The following NCKAP5 variants were observed in gnomAD, a reference collection of about 807,000 sequenced individuals.
The protein encoded by NCKAP5 is NCK associated protein 5.
In NCKAP5, 92 loss-of-function variants were observed where a neutral mutation model predicts 167.0. The observed-to-expected ratio is 0.55, with a 90% confidence interval of 0.47 to 0.66. The LOEUF is 0.66. NCKAP5 is among the 30% of genes least tolerant of loss of function. NCKAP5 has a pLI of 0.00. For synonymous variants in NCKAP5, 891 were observed against 877.4 expected (o/e 1.02, Z -0.27); for missense variants, 2,378 against 2,315.0 (o/e 1.03, Z -0.56).
At chr2:133,600,621 G>A in the NCKAP5 span, among the ~76,000 whole-genome samples, 1 of 152,196 alleles carries the variant, frequency 6.6e-6, no homozygotes, top group South Asian at 2.1e-4. Context: ...GATATCGCTG[G>A]CACCCTTCTT....
At chr2:133,502,337 T>C (rs927656604) in intron 3 of NCKAP5, among the ~76,000 whole-genome samples, 1 of 152,214 alleles carries the variant, frequency 6.6e-6, no homozygotes, top group African/African-American at 2.4e-5. Flanking sequence ...TTTTTTACTC[T>C]GTACCTCCAC....
At chr2:132,920,718 T>A (rs754168172) in intron 8 of NCKAP5, among the ~76,000 whole-genome samples, 10 of 94,004 alleles carry the variant, frequency 1.1e-4, no homozygotes, top group African/African-American at 4.7e-4. Context: ...TGTATATATA[T>A]GTATATATAT....
chr2:133,558,755 A>T (rs1687948834), intron 2 of NCKAP5, among the ~76,000 whole-genome samples: 1 of 149,732 alleles, frequency 6.7e-6, no homozygotes, highest in African/African-American at 2.5e-5. Flanking sequence ...TAATAAAAGC[A>T]CTCATGACCC....
chr2:132,847,996 A>G (rs1343194333), intron 11 of NCKAP5, among the ~76,000 whole-genome samples: 2 of 152,194 alleles, frequency 1.3e-5, no homozygotes. Context: ...AATGTGTTTA[A>G]TGGTTCCTCT....
chr2:133,185,201 C>T (rs544043254), intron 5 of NCKAP5, among the ~76,000 whole-genome samples: 2 of 152,230 alleles, frequency 1.3e-5, no homozygotes, highest in African/African-American at 4.8e-5. Context: ...ATTCCAGCAT[C>T]ATGTATTGAA....
chr2:132,722,288 A>T (rs1254351103), intron 19 of NCKAP5, among the ~76,000 whole-genome samples: 1 of 152,132 alleles, frequency 6.6e-6, no homozygotes, highest in Non-Finnish European at 1.5e-5. Flanking sequence ...CTCCCCCTCC[A>T]TTCCTACTTC....
At chr2:133,054,809 C>T (rs189576126) in intron 6 of NCKAP5, among the ~76,000 whole-genome samples, 191 of 152,202 alleles carry the variant, frequency 1.3e-3, no homozygotes, top group Admixed American at 3.1e-3. Context: ...AGGGGGCCAC[C>T]GTGGTTCATT....
Position 133,526,230 on chromosome 2 carries a change from AG to A in NCKAP5, c.-61-8644del, listed in dbSNP as rs1198351914. 6.2e-4 allele frequency among the ~76,000 whole-genome samples: 66 copies of A among 106,350 alleles called. 1 individual carries two copies. Among genetic ancestry groups the A allele is most frequent in the South Asian group, 1.4e-3 (4 of 2,774 alleles). 69.8% of individuals were successfully genotyped at this position (106,350 alleles called of 152,430 possible). The stretch of plus-strand genomic sequence containing the variant: ...AAGGAAGGAAGGAAGGAAGGAAGAA[AG>A]GAAAGGAGGGAGGGAAGGAGGGAGG... On this transcript the variant is annotated intron_variant, in intron 2 of 19. Coordinates refer to ENST00000409261, the MANE Select transcript of NCKAP5 (RefSeq NM_207363.3).
chr2:133,561,327 A>G (rs1002928693), intron 1 of NCKAP5, among the ~76,000 whole-genome samples: 5 of 152,084 alleles, frequency 3.3e-5, no homozygotes, highest in African/African-American at 1.2e-4. Flanking sequence ...AACTACTCTC[A>G]ATAACAAAGT....
intron 16 of NCKAP5, among the ~76,000 whole-genome samples, chr2:132,764,921 C>A (rs559253752): frequency 1.3e-5 from 2 of 152,244 alleles, no homozygotes; most frequent in African/African-American, 4.8e-5. Context: ...TTCTTCAAAT[C>A]TTCTTGGTGA....
intron 3 of NCKAP5, among the ~76,000 whole-genome samples, chr2:133,507,474 T>C (rs1159291363): frequency 6.6e-6 from 1 of 152,148 alleles, no homozygotes; most frequent in Non-Finnish European, 1.5e-5. Context: ...TATTCGGAAA[T>C]GGACAATTAT....
At chr2:133,166,733 T>C (rs943641170) in intron 5 of NCKAP5, among the ~76,000 whole-genome samples, 4 of 152,222 alleles carry the variant, frequency 2.6e-5, no homozygotes, top group African/African-American at 9.6e-5. Flanking sequence ...TCTTGGACTG[T>C]CTTTAAAATT....
intron 6 of NCKAP5, among the ~76,000 whole-genome samples, chr2:133,067,230 T>C (rs2080230307): frequency 6.6e-6 from 1 of 152,320 alleles, no homozygotes; most frequent in Admixed American, 6.5e-5. Flanking sequence ...CATATTGTTA[T>C]AAGTGTTATT....
At chr2:133,476,475 G>C (rs1405125858) in intron 3 of NCKAP5, among the ~76,000 whole-genome samples, 2 of 152,174 alleles carry the variant, frequency 1.3e-5, no homozygotes, top group African/African-American at 4.8e-5. Context: ...TGCCGATTCT[G>C]CTGACAGCAT....
At chr2:133,355,088 G>T (rs1357227215) in intron 3 of NCKAP5, among the ~76,000 whole-genome samples, 1 of 152,280 alleles carries the variant, frequency 6.6e-6, no homozygotes, top group African/African-American at 2.4e-5. Flanking sequence ...TTCTGGATAA[G>T]AGAATACAGA....
In NCKAP5 at chr2:133,086,458, G is replaced by GT. The variant is rs567013258; in HGVS notation, c.341+43519dup. ...TTTGTCACCAGCCAGGGCAAAATAA[G>GT]TAAGACCTTATCTCTACAAAAAAAT... On this transcript the variant is annotated intron_variant, in intron 6 of 19. Transcript: ENST00000409261. 5.9e-5 allele frequency among the ~76,000 whole-genome samples: 9 copies of GT among 152,204 alleles called. No individual in the cohort carries two copies. The East Asian group carries it at 1.7e-3, about 29-fold the overall frequency.
At chr2:133,319,317 G>T (rs1422968464) in intron 3 of NCKAP5, among the ~76,000 whole-genome samples, 1 of 152,152 alleles carries the variant, frequency 6.6e-6, no homozygotes, top group Non-Finnish European at 1.5e-5. Flanking sequence ...GTGAAACACT[G>T]AAGTTTAATT....
At chr2:133,582,576 G>A in the NCKAP5 span, among the ~76,000 whole-genome samples, 1 of 152,184 alleles carries the variant, frequency 6.6e-6, no homozygotes, top group East Asian at 1.9e-4. Flanking sequence ...GTGCTTTGCT[G>A]TAGTATGGGC....
Position 133,176,938 on chromosome 2 carries a change from T to G in NCKAP5, c.207+36778A>C, listed in dbSNP as rs926258279. Reference sequence around the variant, plus strand: ...TACATTTAATTCCATATAGGGAATATTCTATAATTAATCCCTCTTTAAGCT... The same window carrying G: ...TACATTTAATTCCATATAGGGAATAGTCTATAATTAATCCCTCTTTAAGCT... On this transcript the variant is annotated intron_variant, in intron 5 of 19. Coordinates refer to ENST00000409261, the MANE Select transcript of NCKAP5 (RefSeq NM_207363.3). Among the ~76,000 whole-genome samples the G allele has an allele frequency of 3.9e-5, 6 of 152,096 alleles. No homozygotes were observed. The South Asian group carries it at 1.0e-3, about 26-fold the overall frequency.
Sources: allele counts gnomAD v4.1 joint callset (sites outside exome capture counted in the v4.1 genomes callset), GRCh38; gene constraint gnomAD v4.1.1; transcripts MANE v1.5; gene names NCBI Gene and HGNC (gene_info 2026-07-23, HGNC 2026-07-21).